The following CTPS2 variants were observed in gnomAD, a reference collection of about 807,000 sequenced individuals.
CTPS2 encodes CTP synthase II.
A neutral mutation model predicts 46.8 loss-of-function variants in CTPS2; 19 were observed. That is an observed-to-expected ratio of 0.41 (90% confidence interval 0.28 to 0.60). The LOEUF (loss-of-function observed/expected upper bound fraction) is 0.60. Ranked by LOEUF, CTPS2 falls within the 20% of genes least tolerant of loss-of-function variation. The pLI, the probability that CTPS2 is intolerant of heterozygous loss-of-function variation, is 0.35. For synonymous variants in CTPS2, 151 were observed against 165.2 expected (o/e 0.91, Z 0.66); for missense variants, 286 against 447.6 (o/e 0.64, Z 3.26).
chrX:16,598,352 G>C lies in CTPS2; in HGVS notation c.1692-7490C>G, dbSNP rs769072774. Among the ~76,000 whole-genome samples the C allele has an allele frequency of 4.5e-5, 5 of 111,064 alleles. No individual in the cohort carries two copies. In the East Asian group the frequency reaches 1.4e-3, roughly 31 times the overall value. On this transcript the variant is annotated intron_variant, in intron 17 of 18. Coordinates refer to ENST00000359276, the MANE Select transcript of CTPS2 (RefSeq NM_175859.3). ...AAAAAGAGAGAAGAATCAAATGGAC[G>C]CAATAAAAAATGATAAAGGGGATAT...
chrX:16,593,582 TAAAC>T (rs780264239), intron 17 of CTPS2, among the ~76,000 whole-genome samples: 26 of 98,540 alleles, frequency 2.6e-4, no homozygotes, highest in African/African-American at 8.9e-4. Context: ...TATTAATAAA[TAAAC>T]AAAATCACAG....
intron 7 of CTPS2, among the ~76,000 whole-genome samples, chrX:16,690,555 G>C (rs4831052): frequency 0.54 from 59,664 of 109,554 alleles, 13,188 homozygotes; most frequent in African/African-American, 0.83. Flanking sequence ...AATTCAATTT[G>C]ATCATTTTTA....
intron 16 of CTPS2, among the ~76,000 whole-genome samples, chrX:16,615,033 G>A (rs1447156888): frequency 8.9e-6 from 1 of 112,071 alleles, no homozygotes; most frequent in African/African-American, 3.2e-5. Context: ...AAAATTAGCC[G>A]GGCATGGTGG....
chrX:16,695,368 C>A (rs920003812), intron 4 of CTPS2, among the ~76,000 whole-genome samples: 4 of 110,844 alleles, frequency 3.6e-5, no homozygotes, highest in Non-Finnish European at 5.7e-5. Context: ...TGTTCAGAAA[C>A]CTTCAATATT....
intron 13 of CTPS2, among the ~76,000 whole-genome samples, chrX:16,661,698 C>T (rs1410083609): frequency 4.5e-5 from 5 of 111,316 alleles, no homozygotes; most frequent in Admixed American, 1.9e-4. Flanking sequence ...GGATAAATGA[C>T]GTCATACCTA....
At chrX:16,617,661 C>T (rs1930604256) in intron 15 of CTPS2, among the ~76,000 whole-genome samples, 1 of 112,378 alleles carries the variant, frequency 8.9e-6, no homozygotes, top group Admixed American at 9.5e-5. Flanking sequence ...GCTTTCTTTA[C>T]ATGCAGTTAC....
intron 13 of CTPS2, among the ~76,000 whole-genome samples, chrX:16,655,910 C>T (rs887265534): frequency 2.7e-5 from 3 of 111,172 alleles, no homozygotes; most frequent in African/African-American, 6.6e-5. Flanking sequence ...ACTCTCCTGC[C>T]TCAGCCTCCT....
chrX:16,590,767 C>A lies in CTPS2; in HGVS notation c.*26G>T. 1 of 1,091,052 alleles carries A rather than the reference C, an allele frequency of 9.2e-7. No individual in the cohort carries two copies. Among genetic ancestry groups the A allele is most frequent in the Non-Finnish European group, 1.3e-6 (1 of 788,533 alleles). The allele number at this position is 1,091,052 out of a possible 1,213,427, so 89.9% of individuals were successfully genotyped here. ...TCCATCTTACCCTCACAGGCAGTCC[C>A]CATTATTCCCAGTCATGTATTCATT... On this transcript the variant is annotated 3_prime_UTR_variant, in exon 18 of 19. Transcript: ENST00000359276.
intron 15 of CTPS2, among the ~76,000 whole-genome samples, chrX:16,619,763 A>C (rs1930721569): frequency 8.9e-6 from 1 of 111,807 alleles, no homozygotes; most frequent in Admixed American, 9.5e-5. Context: ...CTCATGTGGC[A>C]ACCTCAACAA....
At chrX:16,680,554 CAAA>C (rs763759349) in intron 9 of CTPS2, among the ~76,000 whole-genome samples, 2 of 34,945 alleles carry the variant, frequency 5.7e-5, no homozygotes. Flanking sequence ...GACCCTGTCT[CAAA>C]AAAAAAAAAA....
chrX:16,682,138 C>T (rs1463674217), intron 9 of CTPS2, among the ~76,000 whole-genome samples: 3 of 112,290 alleles, frequency 2.7e-5, no homozygotes, highest in African/African-American at 6.5e-5. Context: ...GCTCATTCAT[C>T]TGAATGTGCA....
rs1924681416 is a variant in CTPS2, at chrX:16,702,767, C to T, written c.136G>A (p.Asp46Asn). ...TCATAAGGTGAAAAAGTGCCAGCAT[C>T]GATGTTAATATAGGGGTCGATTTTT... is the stretch of plus-strand genomic sequence containing the variant. ...AIKIDPYINI[D>N]AGTFSPYEHG... Residue 46 changes from aspartate (D) to asparagine (N), a missense_variant, in exon 2 of 19, where the codon GAT becomes AAT. Asp to Asn is a conservative substitution (Grantham distance 23). Transcript: ENST00000359276. 2 of 1,210,402 alleles carry T rather than the reference C, an allele frequency of 1.7e-6. No homozygotes were observed. The highest frequency in any genetic ancestry group is 2.2e-6 in the Non-Finnish European group (2 of 894,894).
chrX:16,590,940 C>A, intron 17 of CTPS2, 78 bp from the exon 18 acceptor site: 1 of 677,128 alleles, frequency 1.5e-6, no homozygotes, highest in Non-Finnish European at 2.3e-6. Context: ...ATTTCAAACA[C>A]ATTCCATATT....
chrX:16,634,793 C>CA (rs779216385), intron 14 of CTPS2, among the ~76,000 whole-genome samples: 1 of 110,524 alleles, frequency 9.0e-6, no homozygotes, highest in Non-Finnish European at 1.9e-5. Context: ...AAATAAAATA[C>CA]AAAAAATTAG....
chrX:16,678,527 T>C (rs941712767), intron 9 of CTPS2, 77 bp from the exon 10 acceptor site: 4 of 572,985 alleles, frequency 7.0e-6, no homozygotes, highest in Middle Eastern at 7.7e-4. Flanking sequence ...TCTAATACTA[T>C]GACACATTAT....
chrX:16,671,594 A>G (rs769378351), intron 10 of CTPS2, among the ~76,000 whole-genome samples: 32 of 94,036 alleles, frequency 3.4e-4, no homozygotes, highest in Non-Finnish European at 6.1e-4. Flanking sequence ...GGCCCTCTCC[A>G]ACCTCCACCT....
chrX:16,667,405 A>T (rs1225812898), intron 13 of CTPS2, 109 bp downstream of exon 13: 1 of 818,127 alleles, frequency 1.2e-6, no homozygotes, highest in African/African-American at 2.0e-5. Context: ...AAGTGCTGGG[A>T]TTACAGGGGT....
At position 16,659,666 on chromosome X, in the gene CTPS2, T is replaced by C. The variant is rs1327491389; in HGVS notation, c.1296+7848A>G. On this transcript the variant is annotated intron_variant, in intron 13 of 18. Coordinates refer to ENST00000359276, the MANE Select transcript of CTPS2 (RefSeq NM_175859.3). ...TATATATTCAAGGTGTACAACAAGA[T>C]GTTTTCATCTCTGTATACACTGTGG... Among the ~76,000 whole-genome samples the C allele has an allele frequency of 2.7e-5, 3 of 110,983 alleles. No homozygotes were observed. The East Asian group carries it at 8.5e-4, about 32-fold the overall frequency.
intron 15 of CTPS2, among the ~76,000 whole-genome samples, chrX:16,617,605 G>T (rs1418334093): frequency 8.9e-6 from 1 of 112,080 alleles, no homozygotes; most frequent in African/African-American, 3.2e-5. Context: ...TCACAAATTT[G>T]CTTGAAGATT....
Sources: allele counts gnomAD v4.1 joint callset (sites outside exome capture counted in the v4.1 genomes callset), GRCh38; gene constraint gnomAD v4.1.1; transcripts MANE v1.5; gene names NCBI Gene and HGNC (gene_info 2026-07-23, HGNC 2026-07-21).